Variants in TPX2 observed in about 807,000 individuals in gnomAD.
The protein encoded by TPX2 is targeting protein for Xklp2.
Under a neutral mutation model 93.6 loss-of-function variants are expected in TPX2, and 21 were observed. The observed-to-expected ratio is 0.22, with a 90% CI of 0.16 to 0.32. TPX2 has a LOEUF of 0.32. TPX2 is among the 10% of genes least tolerant of loss of function. The pLI is 1.00. For missense variants in TPX2, 776 were observed against 871.1 expected (o/e 0.89, Z 1.37); for synonymous variants, 281 against 298.3 (o/e 0.94, Z 0.60).
intron 15 of TPX2, among the ~76,000 whole-genome samples, chr20:31,795,860 T>C (rs941501353): frequency 6.6e-6 from 1 of 152,254 alleles, no homozygotes; most frequent in African/African-American, 2.4e-5. Flanking sequence ...CCTGAATTTC[T>C]AAGTTTTTTG....
chr20:31,782,141 C>T lies in TPX2; in HGVS notation c.1055-108C>T, dbSNP rs995895594. 9.9e-6 allele frequency: 14 copies of T among 1,416,660 alleles called. No individual in the cohort carries two copies. In the African/African-American group the frequency reaches 1.5e-4, roughly 15 times the overall value. 87.8% of individuals were successfully genotyped at this position (1,416,660 alleles called of 1,614,324 possible). On this transcript the variant is annotated intron_variant, in intron 10 of 17. Transcript: ENST00000300403. ...AGCTGAGCTGACTGTTGTGGGCCCA[C>T]CACTCTGTGGTTGGTTTATCCCTCT... is the stretch of plus-strand genomic sequence containing the variant.
intron 4 of TPX2, 60 bp downstream of exon 4, chr20:31,760,239 C>G (rs2061881028): frequency 3.6e-5 from 57 of 1,592,880 alleles, no homozygotes; most frequent in Non-Finnish European, 4.8e-5. Flanking sequence ...GTTTTAGAAG[C>G]CTGAGGTTCT....
intron 17 of TPX2, among the ~76,000 whole-genome samples, chr20:31,799,931 G>T: frequency 6.8e-6 from 1 of 146,552 alleles, no homozygotes. Context: ...AGAAGTGTAA[G>T]TTGTTGAGGT....
chr20:31,749,159 G>A (rs1445996345), intron 2 of TPX2, among the ~76,000 whole-genome samples: 2 of 151,988 alleles, frequency 1.3e-5, no homozygotes, highest in African/African-American at 2.4e-5. Context: ...TGTTAGCCAG[G>A]ATGGTCTCAA....
At chr20:31,795,197 G>A (rs180859390) in intron 15 of TPX2, among the ~76,000 whole-genome samples, 41 of 151,510 alleles carry the variant, frequency 2.7e-4, no homozygotes, top group Admixed American at 1.6e-3. Context: ...GCAGTAGTGC[G>A]ATCTCGGCTC....
intron 4 of TPX2, among the ~76,000 whole-genome samples, chr20:31,765,144 C>CTT (rs2061916438): frequency 6.6e-6 from 1 of 151,466 alleles, no homozygotes; most frequent in African/African-American, 2.4e-5. Context: ...TCCCATAACA[C>CTT]TTTTTTTCTA....
intron 2 of TPX2, among the ~76,000 whole-genome samples, chr20:31,745,527 C>T (rs185665779): frequency 1.2e-3 from 178 of 152,230 alleles, no homozygotes; most frequent in Admixed American, 3.3e-3. Context: ...GGGGTTTTGC[C>T]ATATTGGCCA....
intron 2 of TPX2, among the ~76,000 whole-genome samples, chr20:31,747,354 G>A (rs901850104): frequency 6.6e-6 from 1 of 152,104 alleles, no homozygotes; most frequent in Admixed American, 6.6e-5. Flanking sequence ...TCCTGACTTC[G>A]TGATCCGCCT....
chr20:31,772,557 G>T (rs1424451889), intron 7 of TPX2, among the ~76,000 whole-genome samples: 1 of 152,162 alleles, frequency 6.6e-6, no homozygotes, highest in Admixed American at 6.5e-5. Context: ...TTACCACGTA[G>T]ATTGAACATT....
intron 2 of TPX2, among the ~76,000 whole-genome samples, chr20:31,744,034 TC>T (rs899240051): frequency 4.6e-5 from 7 of 151,830 alleles, no homozygotes; most frequent in African/African-American, 1.7e-4. Context: ...CAGTTTTTTT[TC>T]CCCCAAATAT....
At chr20:31,760,879 A>C (rs2061885585) in intron 4 of TPX2, among the ~76,000 whole-genome samples, 1 of 151,966 alleles carries the variant, frequency 6.6e-6, no homozygotes, top group Non-Finnish European at 1.5e-5. Context: ...GATGATTGAC[A>C]TTTAAACTGG....
rs934160790 is a variant in TPX2 at position 31,782,235 on chromosome 20, A to G, written c.1055-14A>G. The G allele has an allele frequency of 3.1e-6, 5 of 1,599,006 alleles. No homozygotes were observed. Among genetic ancestry groups the G allele is most frequent in the Non-Finnish European group, 4.3e-6 (5 of 1,173,024 alleles). ...TTGCGGATCTAGATGAACATCTGTC[A>G]TCTCTGTTTACAGACCTGTTACCCT... On this transcript the variant is annotated splice_polypyrimidine_tract_variant and intron_variant, in intron 10 of 17. Coordinates refer to ENST00000300403, the MANE Select transcript of TPX2 (RefSeq NM_012112.5).
In TPX2 at chr20:31,793,966, G is replaced by A. The variant is rs149816634; in HGVS notation, c.1628G>A (p.Arg543Gln). The change falls in exon 14 of 18, where the codon CGA becomes CAA. Residue 543 changes from arginine to glutamine, a missense_variant. By Grantham distance (43) the Arg-to-Gln change is conservative. This residue lies in a region of TPX2 where 461 missense variants were observed against 551.2 expected (regional missense o/e 0.84). Transcript: ENST00000300403. ...VEICPFSFDSRDKERQLQKEK... is the reference protein window; with the variant it reads ...VEICPFSFDSQDKERQLQKEK... ...ATATGCCCTTTCTCGTTTGATTCTC[G>A]AGACAAAGAACGTCAGTTACAGAAG... is the stretch of plus-strand genomic sequence containing the variant. 4.3e-6 allele frequency: 7 copies of A among 1,613,576 alleles called. No homozygotes were observed. Among genetic ancestry groups the A allele is most frequent in the East Asian group, 2.2e-5 (1 of 44,884 alleles).
intron 10 of TPX2, chr20:31,780,931 C>A: frequency 2.5e-6 from 1 of 406,234 alleles, no homozygotes; most frequent in Non-Finnish European, 4.8e-6. Flanking sequence ...TCTTGTTTTG[C>A]TTTTTAGAGA....
Position 31,739,434 on chromosome 20 carries a change from C to T in TPX2, c.-365C>T, listed in dbSNP as rs561119295. The T allele has an allele frequency of 2.0e-5, 3 of 152,358 alleles. No individual in the cohort carries two copies. Among genetic ancestry groups the T allele is most frequent in the Admixed American group, 6.5e-5 (1 of 15,302 alleles). 9.4% of individuals were successfully genotyped at this position (152,358 alleles called of 1,614,324 possible). On this transcript the variant is annotated 5_prime_UTR_variant, in exon 1 of 18. Coordinates refer to ENST00000300403, the MANE Select transcript of TPX2 (RefSeq NM_012112.5). ...GGAACGGCTGAAGTTCACCTTCCAGCCCCTAGCGCCGTTCGCGCCGCTAGG... is the reference window on the plus strand; with the variant it reads ...GGAACGGCTGAAGTTCACCTTCCAGTCCCTAGCGCCGTTCGCGCCGCTAGG...
intron 17 of TPX2, among the ~76,000 whole-genome samples, chr20:31,799,669 G>T (rs2062158066): frequency 6.6e-6 from 1 of 152,176 alleles, no homozygotes; most frequent in Non-Finnish European, 1.5e-5. Flanking sequence ...GGAGGCCCAG[G>T]TGGGTGGATC....
intron 15 of TPX2, among the ~76,000 whole-genome samples, chr20:31,796,823 G>A (rs2062141618): frequency 6.6e-6 from 1 of 151,798 alleles, no homozygotes; most frequent in South Asian, 2.1e-4. Flanking sequence ...ATAAAGATAG[G>A]TCTTAAAAGT....
intron 2 of TPX2, among the ~76,000 whole-genome samples, chr20:31,749,543 C>A (rs1332679681): frequency 6.6e-6 from 1 of 152,044 alleles, no homozygotes; most frequent in Non-Finnish European, 1.5e-5. Context: ...CGCTAGTAAT[C>A]CCAGCAGTTT....
At chr20:31,749,228 G>A (rs1358170560) in intron 2 of TPX2, among the ~76,000 whole-genome samples, 1 of 152,104 alleles carries the variant, frequency 6.6e-6, no homozygotes, top group Non-Finnish European at 1.5e-5. Flanking sequence ...TTACAGGCGT[G>A]AGCCACCGCG....
Sources: gnomAD v4.1 joint callset for allele counts (sites outside exome capture counted in the v4.1 genomes callset) on GRCh38, gnomAD v4.1.1 for gene constraint, gnomAD v4.1.1 regional missense constraint, MANE v1.5 for transcripts, NCBI Gene and HGNC (gene_info 2026-07-23, HGNC 2026-07-21) for gene names.